Variants in CTIF observed in about 807,000 individuals in gnomAD.
CTIF encodes CBP80/20-dependent translation initiation factor.
In CTIF, 21 loss-of-function variants were observed where a neutral mutation model predicts 66.0. The ratio of observed to expected loss-of-function variants is 0.32; its 90% CI spans 0.23 to 0.46. The LOEUF (loss-of-function observed/expected upper bound fraction) is 0.46. Among genes scored for constraint, CTIF ranks in the 20% least tolerant of loss-of-function variants. CTIF has a pLI of 1.00. For missense variants in CTIF, 739 were observed against 812.7 expected (o/e 0.91, Z 1.10); for synonymous variants, 345 against 326.4 (o/e 1.06, Z -0.62).
At chr18:48,753,947 C>G (rs1410591905) in intron 7 of CTIF, among the ~76,000 whole-genome samples, 1 of 152,162 alleles carries the variant, frequency 6.6e-6, no homozygotes, top group Non-Finnish European at 1.5e-5. Context: ...TCGACGAAAC[C>G]CAGCGCCAGC....
In CTIF at chr18:48,619,674, G is replaced by A; in HGVS notation, c.109G>A (p.Val37Met). The A allele has an allele frequency of 6.2e-7, 1 of 1,607,884 alleles. No individual in the cohort carries two copies. The highest frequency in any genetic ancestry group is 8.5e-7 in the Non-Finnish European group (1 of 1,177,410). Residue 37 changes from valine (V) to methionine (M), a missense_variant, in exon 2 of 12, where the codon GTG (valine) becomes ATG (methionine). By Grantham distance (21) the Val-to-Met change is conservative. Coordinates refer to ENST00000256413, the MANE Select transcript of CTIF (RefSeq NM_014772.3). ...CGACAGCTACGTGCTGGAGTACCAG[G>A]TGCAGGGGCTGCTGGCTGACAAGAC... ...FIDSYVLEYQ[V>M]QGLLADKTEG...
intron 1 of CTIF, among the ~76,000 whole-genome samples, chr18:48,552,057 C>T (rs1443822556): frequency 2.0e-5 from 3 of 152,214 alleles, no homozygotes; most frequent in Non-Finnish European, 2.9e-5. Context: ...CCGCCTAGGC[C>T]TCCCAAAGTG....
At chr18:48,573,565 T>C (rs977635067) in intron 1 of CTIF, among the ~76,000 whole-genome samples, 1 of 152,222 alleles carries the variant, frequency 6.6e-6, no homozygotes, top group Non-Finnish European at 1.5e-5. Flanking sequence ...TTCTAATATT[T>C]TCTTTCTATG....
At position 48,619,595 on chromosome 18, in the gene CTIF, C is replaced by T. The variant is rs1056589500; in HGVS notation, c.30C>T (p.Ser10=). ...AAAACTCCTCTGCAGCATCAGCCTC[C>T]TCGGAGGCAGGGAGCAGCCGCTCCC... The part of the protein sequence containing the change: MENSSAASA[S]SEAGSSRSQE... Residue 10 remains serine (S), a synonymous_variant, in exon 2 of 12, where the codon TCC becomes TCT. Transcript: ENST00000256413. 4 of 1,593,728 alleles carry T rather than the reference C, an allele frequency of 2.5e-6. No individual in the cohort carries two copies. The African/African-American group carries it at 5.4e-5, about 21-fold the overall frequency.
chr18:48,829,573 C>A (rs2068648328), intron 10 of CTIF, among the ~76,000 whole-genome samples: 2 of 152,206 alleles, frequency 1.3e-5, no homozygotes, highest in African/African-American at 4.8e-5. Flanking sequence ...AGAGTGGGCC[C>A]CCGCCTTGCC....
At position 48,670,720 on chromosome 18, in the gene CTIF, C is replaced by G; in HGVS notation, c.483C>G (p.Ile161Met). 6.2e-7 allele frequency: 1 copy of G among 1,614,106 alleles called. No individual in the cohort carries two copies. Among genetic ancestry groups the G allele is most frequent in the Non-Finnish European group, 8.5e-7 (1 of 1,179,968 alleles). ...GGGATGGCATCAACCTGAATGACAT[C>G]GAGAAGGTCCTTCCAGCCTGGCAGG... Reference protein sequence around the residue: ...EDGDGINLNDIEKVLPAWQGY... With the variant: ...EDGDGINLNDMEKVLPAWQGY... Residue 161 changes from isoleucine (I) to methionine (M), a missense_variant, in exon 6 of 12, where the codon ATC becomes ATG. Physicochemically the swap from Ile to Met is conservative, Grantham distance 10. Transcript: ENST00000256413.
intron 1 of CTIF, among the ~76,000 whole-genome samples, chr18:48,583,298 G>A (rs1333728292): frequency 1.3e-5 from 2 of 152,234 alleles, no homozygotes; most frequent in Non-Finnish European, 2.9e-5. Flanking sequence ...CAGGGGAAAG[G>A]AATTCACAGT....
At chr18:48,661,004 T>G (rs1374615022) in intron 3 of CTIF, among the ~76,000 whole-genome samples, 1 of 152,238 alleles carries the variant, frequency 6.6e-6, no homozygotes, top group Non-Finnish European at 1.5e-5. Context: ...TGATTCAGTC[T>G]TTCAGCCACA....
chr18:48,764,967 A>G (rs58710581), intron 9 of CTIF, among the ~76,000 whole-genome samples: 4,356 of 152,282 alleles, frequency 0.029, 196 homozygotes, highest in African/African-American at 0.091. Flanking sequence ...CCCAGAGGAC[A>G]CCTGAACCAC....
At chr18:48,726,292 G>A (rs528786163) in intron 7 of CTIF, among the ~76,000 whole-genome samples, 10 of 152,332 alleles carry the variant, frequency 6.6e-5, no homozygotes, top group African/African-American at 2.4e-4. Context: ...TTGGACGTTT[G>A]TATTGGGGTT....
intron 7 of CTIF, among the ~76,000 whole-genome samples, chr18:48,746,084 C>A (rs942458304): frequency 1.3e-5 from 2 of 152,232 alleles, no homozygotes; most frequent in African/African-American, 4.8e-5. Context: ...CGGCTGGCGG[C>A]GTTCTCCGCC....
chr18:48,558,112 G>A (rs552304805), intron 1 of CTIF, among the ~76,000 whole-genome samples: 39 of 152,150 alleles, frequency 2.6e-4, no homozygotes, highest in Admixed American at 6.5e-4. Flanking sequence ...TCAGGCTGGA[G>A]TATATTCCCT....
chr18:48,609,783 G>A (rs1354664677), intron 1 of CTIF, among the ~76,000 whole-genome samples: 3 of 152,240 alleles, frequency 2.0e-5, no homozygotes, highest in Non-Finnish European at 4.4e-5. Context: ...GGTGCCTCTA[G>A]GGTGTATACA....
intron 2 of CTIF, among the ~76,000 whole-genome samples, chr18:48,628,867 T>C (rs2090650000): frequency 6.6e-6 from 1 of 152,208 alleles, no homozygotes; most frequent in African/African-American, 2.4e-5. Flanking sequence ...GCACAGGTCT[T>C]TTCTAAAATA....
At position 48,862,828 on chromosome 18, in the gene CTIF, C is replaced by T. The variant is rs1285344771; in HGVS notation, c.*3269C>T. 3.3e-5 allele frequency: 5 copies of T among 152,226 alleles called. No individual in the cohort carries two copies. The highest frequency in any genetic ancestry group is 3.3e-4 in the Admixed American group (5 of 15,288). The allele number at this position is 152,226 out of a possible 1,614,324, so 9.4% of individuals were successfully genotyped here. On this transcript the variant is annotated 3_prime_UTR_variant, in exon 12 of 12. Coordinates refer to ENST00000256413, the MANE Select transcript of CTIF (RefSeq NM_014772.3). ...GACGCGGGCCTCCAAGAAGCCAAGT[C>T]CCAGTCTGTTTTCTGGCATCAGACA...
At chr18:48,588,682 TC>T (rs1257273480) in intron 1 of CTIF, among the ~76,000 whole-genome samples, 1 of 152,106 alleles carries the variant, frequency 6.6e-6, no homozygotes, top group Non-Finnish European at 1.5e-5. Flanking sequence ...AGGTCTGGCC[TC>T]CTACAGTCTC....
chr18:48,563,425 C>T (rs1269538614), intron 1 of CTIF, among the ~76,000 whole-genome samples: 1 of 152,204 alleles, frequency 6.6e-6, no homozygotes, highest in East Asian at 1.9e-4. Flanking sequence ...GCCTGCAGCT[C>T]CTCTGCCCTG....
intron 10 of CTIF, among the ~76,000 whole-genome samples, chr18:48,853,084 C>T (rs1181061007): frequency 3.3e-5 from 5 of 152,182 alleles, no homozygotes; most frequent in African/African-American, 1.2e-4. Flanking sequence ...AGACTCTCAG[C>T]TGGGCGAGTT....
chr18:48,823,647 G>A (rs2068527305), intron 10 of CTIF, among the ~76,000 whole-genome samples: 1 of 152,094 alleles, frequency 6.6e-6, no homozygotes, highest in East Asian at 1.9e-4. Context: ...GGCTATTTGG[G>A]CTCTTTTATA....
Sources: gnomAD v4.1 joint callset for allele counts (sites outside exome capture counted in the v4.1 genomes callset) on GRCh38, gnomAD v4.1.1 for gene constraint, MANE v1.5 for transcripts, NCBI Gene and HGNC (gene_info 2026-07-23, HGNC 2026-07-21) for gene names.